The following COPG1 variants were observed in gnomAD, a reference collection of about 807,000 sequenced individuals.
COPG1 encodes coat protein complex I subunit gamma 1.
COPG1 carries 29 observed loss-of-function variants against 102.8 expected under a neutral mutation model. The observed-to-expected ratio is 0.28, with a 90% CI of 0.21 to 0.38. The LOEUF is 0.38. COPG1 is among the 10% of genes least tolerant of loss of function. COPG1 has a pLI of 1.00. For missense variants in COPG1, 875 were observed against 1,132.7 expected, an observed-to-expected ratio of 0.77 and a Z score of 3.27; for synonymous variants, 406 against 421.6, an observed-to-expected ratio of 0.96 and a Z score of 0.45.
Position 129,260,762 on chromosome 3 carries a change from G to A in COPG1, c.1083G>A (p.Met361Ile). ...TGSESSIDRL[M>I]KQISSFMSEI... ...GCGAGAGCAGCATCGACCGCCTCAT[G>A]AAGCAGATCTCCTCCTTCATGTCAG... The change falls in exon 12 of 24, where the codon ATG becomes ATA. Residue 361 changes from methionine to isoleucine, a missense_variant. By Grantham distance (10) the Met-to-Ile change is conservative. Transcript: ENST00000314797. 6.2e-7 allele frequency: 1 copy of A among 1,612,796 alleles called. No homozygotes were observed. The highest frequency in any genetic ancestry group is 8.5e-7 in the Non-Finnish European group (1 of 1,180,020).
intron 3 of COPG1, 36 bp downstream of exon 3, chr3:129,252,397 G>T (rs1939718694): frequency 1.4e-6 from 2 of 1,454,410 alleles, no homozygotes; most frequent in Non-Finnish European, 1.9e-6. Flanking sequence ...GGAGAATGGT[G>T]CTGGGGGATT....
intron 10 of COPG1, among the ~76,000 whole-genome samples, chr3:129,259,277 A>G (rs899126682): frequency 1.3e-5 from 2 of 152,076 alleles, no homozygotes; most frequent in African/African-American, 2.4e-5. Context: ...CCTGACCAAC[A>G]TGGTGAAACC....
chr3:129,267,333 C>T (rs1940082294), intron 15 of COPG1: 2 of 368,012 alleles, frequency 5.4e-6, no homozygotes, highest in East Asian at 1.3e-4. Context: ...AAAAATAGCT[C>T]TATTGAAGCC....
At position 129,272,356 on chromosome 3, in the gene COPG1, A is replaced by G. The variant is rs971075766; in HGVS notation, c.2099A>G (p.Tyr700Cys). 1 of 1,613,938 alleles carries G rather than the reference A, an allele frequency of 6.2e-7. No individual in the cohort carries two copies. The highest frequency in any genetic ancestry group is 8.5e-7 in the Non-Finnish European group (1 of 1,180,008). ...TACGTGCCTGCCCGGAGCCTGCCCTACAACCAGCCCGGGACCTGCTACACA... is the reference window on the plus strand; with the variant it reads ...TACGTGCCTGCCCGGAGCCTGCCCTGCAACCAGCCCGGGACCTGCTACACA... ...LCYVPARSLP[Y>C]NQPGTCYTLV... The change falls in exon 20 of 24, where the codon TAC (tyrosine) becomes TGC (cysteine). Residue 700 changes from tyrosine (Y) to cysteine (C), a missense_variant. Physicochemically the swap from Tyr to Cys is radical, Grantham distance 194. Coordinates refer to ENST00000314797, the MANE Select transcript of COPG1 (RefSeq NM_016128.4).
Position 129,275,435 on chromosome 3 carries a change from C to A in COPG1, c.2494+143C>A, listed in dbSNP as rs373477601. On this transcript the variant is annotated intron_variant, in intron 23 of 23. Coordinates refer to ENST00000314797, the MANE Select transcript of COPG1 (RefSeq NM_016128.4). The surrounding 1 kb of genome is among the most constrained non-coding windows in gnomAD (Gnocchi z 5.0). ...TCACAAAGTATAAAATAATCTGCAG[C>A]GAAATGTTTCCTCCCTACCTTGGCT... 4.8e-6 allele frequency: 3 copies of A among 621,372 alleles called. No homozygotes were observed. Among genetic ancestry groups the A allele is most frequent in the African/African-American group, 1.8e-5 (1 of 54,806 alleles). 38.5% of individuals were successfully genotyped at this position (621,372 alleles called of 1,614,324 possible).
intron 14 of COPG1, among the ~76,000 whole-genome samples, chr3:129,266,004 G>A (rs756442337): frequency 4.6e-5 from 7 of 150,858 alleles, no homozygotes; most frequent in East Asian, 3.9e-4. Context: ...ATGGAATCTC[G>A]CTCTGTCACC....
In COPG1 at chr3:129,250,438, T is replaced by C. The variant is rs562474227; in HGVS notation, c.38-244T>C. Among the ~76,000 whole-genome samples the C allele has an allele frequency of 1.4e-4, 22 of 152,288 alleles. No homozygotes were observed. The South Asian group carries it at 4.6e-3, about 32-fold the overall frequency. On this transcript the variant is annotated intron_variant, in intron 1 of 23. Coordinates refer to ENST00000314797, the MANE Select transcript of COPG1 (RefSeq NM_016128.4). The stretch of plus-strand genomic sequence containing the variant: ...TAAATGAACACAAGACATGGCACCA[T>C]GAGAAGCACAGGACTGTACCAGGGC...
At position 129,271,722 on chromosome 3, in the gene COPG1, G is replaced by T; in HGVS notation, c.1844-45G>T. The T allele has an allele frequency of 6.2e-7, 1 of 1,608,396 alleles. No individual in the cohort carries two copies. Reference sequence around the variant, plus strand: ...TTTATTAGAAACCATCAACAAGTTGGTCTGGGGATCGAGAAGCTGAGTGAA... The same window carrying T: ...TTTATTAGAAACCATCAACAAGTTGTTCTGGGGATCGAGAAGCTGAGTGAA... On this transcript the variant is annotated intron_variant, in intron 18 of 23. Coordinates refer to ENST00000314797, the MANE Select transcript of COPG1 (RefSeq NM_016128.4). The surrounding 1 kb of genome is among the most constrained non-coding windows in gnomAD (Gnocchi z 4.7).
chr3:129,260,872 G>A, intron 12 of COPG1, 65 bp downstream of exon 12: 1 of 1,536,964 alleles, frequency 6.5e-7, no homozygotes. Flanking sequence ...GCTCTCTGTG[G>A]CCACAGCCTT....
intron 21 of COPG1, among the ~76,000 whole-genome samples, chr3:129,273,167 C>T (rs1015392026): frequency 3.3e-5 from 5 of 152,062 alleles, no homozygotes; most frequent in Non-Finnish European, 5.9e-5. Context: ...GGATTACAGG[C>T]GCCCACCACC....
Position 129,274,820 on chromosome 3 carries a change from C to G in COPG1, c.2257-18C>G, listed in dbSNP as rs1306706823. On this transcript the variant is annotated intron_variant, in intron 21 of 23. Transcript: ENST00000314797. ...AGGTGTGTAGATGGGTGCCTGATTT[C>G]TACCTCCATCTCTCCAGCTGGAAGA... 2 of 1,600,766 alleles carry G rather than the reference C, an allele frequency of 1.2e-6. No homozygotes were observed. Among genetic ancestry groups the G allele is most frequent in the Non-Finnish European group, 1.7e-6 (2 of 1,172,046 alleles).
intron 23 of COPG1, among the ~76,000 whole-genome samples, chr3:129,276,270 C>T (rs796673482): frequency 2.6e-5 from 4 of 152,172 alleles, no homozygotes; most frequent in African/African-American, 7.2e-5. Flanking sequence ...TTTGTATTTC[C>T]TTTTCTGATC....
At chr3:129,258,185 C>T (rs1015016142) in intron 10 of COPG1, among the ~76,000 whole-genome samples, 1 of 152,198 alleles carries the variant, frequency 6.6e-6, no homozygotes, top group African/African-American at 2.4e-5. Context: ...AGTGGGGCTG[C>T]ACTTTTCCAG....
intron 8 of COPG1, among the ~76,000 whole-genome samples, chr3:129,256,897 C>G (rs1351306783): frequency 6.6e-6 from 1 of 152,224 alleles, no homozygotes; most frequent in Non-Finnish European, 1.5e-5. Context: ...AAGAGAGTAT[C>G]GAGGACAGGA....
chr3:129,250,724 T>G lies in COPG1; in HGVS notation c.80T>G (p.Val27Gly). Residue 27 changes from valine (V) to glycine (G), a missense_variant, in exon 2 of 24, where the codon GTA becomes GGA. Coordinates refer to ENST00000314797, the MANE Select transcript of COPG1 (RefSeq NM_016128.4). Reference sequence around the variant, plus strand: ...TTCCAGCACCTTGAGAAGAGTGCGGTACTCCAGGAGGCAAGTGACATTTGC... The same window carrying G: ...TTCCAGCACCTTGAGAAGAGTGCGGGACTCCAGGAGGCAAGTGACATTTGC... ...NPFQHLEKSA[V>G]LQEARVFNET... 6.2e-7 allele frequency: 1 copy of G among 1,613,940 alleles called. No homozygotes were observed. The highest frequency in any genetic ancestry group is 8.5e-7 in the Non-Finnish European group (1 of 1,179,880).
Position 129,277,506 on chromosome 3 carries a change from C to T in COPG1, c.*82C>T. On this transcript the variant is annotated 3_prime_UTR_variant, in exon 24 of 24. Transcript: ENST00000314797. ...CTTCCTCATGAAACTGGCAGAAACC[C>T]CTTCCCAAGCTTCTGTATTGAAAAA... is the stretch of plus-strand genomic sequence containing the variant. 1 of 1,433,812 alleles carries T rather than the reference C, an allele frequency of 7.0e-7. No homozygotes were observed. The highest frequency in any genetic ancestry group is 9.6e-7 in the Non-Finnish European group (1 of 1,039,314). 88.8% of individuals were successfully genotyped at this position (1,433,812 alleles called of 1,614,324 possible).
rs1940264657 is a variant in COPG1 at position 129,275,980 on chromosome 3, AC to A, written c.2494+689del. 6.8e-6 allele frequency among the ~76,000 whole-genome samples: 1 copy of A among 147,926 alleles called. No homozygotes were observed. Among genetic ancestry groups the A allele is most frequent in the African/African-American group, 2.6e-5 (1 of 38,452 alleles). On this transcript the variant is annotated intron_variant, in intron 23 of 23. Coordinates refer to ENST00000314797, the MANE Select transcript of COPG1 (RefSeq NM_016128.4). This position sits in a 1 kb window ranked among gnomAD's most constrained non-coding sequence, Gnocchi z 5.0. The stretch of plus-strand genomic sequence containing the variant: ...ACAGTAAATAATCGTGTACACACAC[AC>A]ACACACACACACACACAGTTTACTT...
At chr3:129,255,773 C>T (rs114476593) in intron 7 of COPG1, among the ~76,000 whole-genome samples, 2,529 of 152,214 alleles carry the variant, frequency 0.017, 72 homozygotes, top group African/African-American at 0.057. Flanking sequence ...CGTGAGCCAC[C>T]GCACCTGGCC....
At chr3:129,253,301 G>T (rs565734592) in intron 5 of COPG1, among the ~76,000 whole-genome samples, 5 of 152,328 alleles carry the variant, frequency 3.3e-5, no homozygotes, top group African/African-American at 1.2e-4. Flanking sequence ...ACTGGTGTCT[G>T]CTTTAAGCTA....
Sources: allele counts gnomAD v4.1 joint callset (sites outside exome capture counted in the v4.1 genomes callset), GRCh38; gene constraint gnomAD v4.1.1; non-coding constraint Gnocchi (gnomAD v3.1); transcripts MANE v1.5; gene names NCBI Gene and HGNC (gene_info 2026-07-23, HGNC 2026-07-21).